Variants in SPAG16 observed in about 807,000 individuals in gnomAD.
SPAG16 encodes the protein sperm-associated antigen 16 protein.
Under a neutral mutation model 80.4 loss-of-function variants are expected in SPAG16, and 86 were observed. The observed-to-expected ratio is 1.07, with a 90% confidence interval of 0.90 to 1.28. The LOEUF (loss-of-function observed/expected upper bound fraction) is 1.28, where lower values mean the gene tolerates loss of function less well. Ranked by LOEUF, SPAG16 falls within the 50% of genes most tolerant of loss-of-function variation. The pLI is 0.00. For missense variants in SPAG16, 870 were observed against 765.3 expected (o/e 1.14, Z -1.61); for synonymous variants, 294 against 265.9 (o/e 1.11, Z -1.03).
intron 10 of SPAG16, among the ~76,000 whole-genome samples, chr2:213,688,302 T>G (rs768868816): frequency 7.2e-5 from 11 of 152,158 alleles, no homozygotes; most frequent in Non-Finnish European, 1.3e-4. Context: ...ATTCAGACCT[T>G]TAAAAGGTCC....
intron 12 of SPAG16, among the ~76,000 whole-genome samples, chr2:213,974,122 T>A (rs139429571): frequency 6.6e-6 from 1 of 152,244 alleles, no homozygotes; most frequent in East Asian, 1.9e-4. Context: ...AATCCTGTTT[T>A]ATGAGTATGT....
At chr2:213,666,447 C>A (rs1354843795) in intron 10 of SPAG16, among the ~76,000 whole-genome samples, 1 of 152,114 alleles carries the variant, frequency 6.6e-6, no homozygotes, top group Non-Finnish European at 1.5e-5. Flanking sequence ...TTAGTTATCC[C>A]ACCTATATGC....
intron 5 of SPAG16, among the ~76,000 whole-genome samples, chr2:213,330,146 G>T (rs532944219): frequency 6.6e-6 from 1 of 152,218 alleles, no homozygotes; most frequent in Non-Finnish European, 1.5e-5. Flanking sequence ...GGAAATATGG[G>T]GTGGGAGCCC....
chr2:214,316,514 TG>T (rs1163634462), intron 15 of SPAG16, among the ~76,000 whole-genome samples: 3 of 152,208 alleles, frequency 2.0e-5, no homozygotes, highest in African/African-American at 7.2e-5. Context: ...GCACCTTATT[TG>T]GGGCTCTTTT....
intron 14 of SPAG16, among the ~76,000 whole-genome samples, chr2:214,114,447 A>T (rs1293840558): frequency 6.6e-6 from 1 of 152,198 alleles, no homozygotes; most frequent in Non-Finnish European, 1.5e-5. Flanking sequence ...GGTTGAGTCT[A>T]TAGAGGCAGT....
chr2:214,388,530 G>A (rs1260912696), intron 15 of SPAG16, among the ~76,000 whole-genome samples: 1 of 152,182 alleles, frequency 6.6e-6, no homozygotes, highest in Non-Finnish European at 1.5e-5. Context: ...GAATAATGCA[G>A]AACCAAATTA....
intron 10 of SPAG16, among the ~76,000 whole-genome samples, chr2:213,836,297 A>G (rs1379502306): frequency 6.6e-6 from 1 of 152,054 alleles, no homozygotes; most frequent in African/African-American, 2.4e-5. Context: ...GTTAAACTAA[A>G]AGGAAAAGTA....
chr2:213,923,322 C>T (rs1004438235), intron 11 of SPAG16, among the ~76,000 whole-genome samples: 4 of 152,190 alleles, frequency 2.6e-5, no homozygotes, highest in African/African-American at 4.8e-5. Context: ...ACCTGGCTGC[C>T]AGTGGCAGTG....
At chr2:214,208,961 C>A (rs17816758) in intron 15 of SPAG16, among the ~76,000 whole-genome samples, 1 of 152,008 alleles carries the variant, frequency 6.6e-6, no homozygotes, top group Non-Finnish European at 1.5e-5. Context: ...TTTATGGTTA[C>A]GGGATGAAGT....
At chr2:213,893,152 A>G (rs1353876934) in intron 11 of SPAG16, among the ~76,000 whole-genome samples, 2 of 152,198 alleles carry the variant, frequency 1.3e-5, no homozygotes, top group African/African-American at 2.4e-5. Flanking sequence ...GAGTAGAATG[A>G]CATTTCTACT....
chr2:213,572,900 CG>C (rs2059970392), intron 10 of SPAG16, among the ~76,000 whole-genome samples: 1 of 152,142 alleles, frequency 6.6e-6, no homozygotes, highest in African/African-American at 2.4e-5. Context: ...ACTCCGTGGG[CG>C]TAGGACCCTC....
chr2:214,147,816 G>T (rs2055736742), intron 14 of SPAG16, among the ~76,000 whole-genome samples: 1 of 152,038 alleles, frequency 6.6e-6, no homozygotes, highest in Non-Finnish European at 1.5e-5. Flanking sequence ...AAAACTAATT[G>T]CATTCATTGC....
At chr2:214,209,851 C>T (rs1476170506) in intron 15 of SPAG16, among the ~76,000 whole-genome samples, 1 of 152,198 alleles carries the variant, frequency 6.6e-6, no homozygotes, top group East Asian at 1.9e-4. Context: ...GCCCCATACT[C>T]AAGTATATTT....
chr2:214,400,499 G>A (rs115979207), intron 15 of SPAG16, among the ~76,000 whole-genome samples: 2,300 of 152,012 alleles, frequency 0.015, 26 homozygotes, highest in Middle Eastern at 0.034. Context: ...AGGAGGATAC[G>A]CATAGGTTAT....
At chr2:213,768,826 C>G (rs967568265) in intron 10 of SPAG16, among the ~76,000 whole-genome samples, 2 of 152,068 alleles carry the variant, frequency 1.3e-5, no homozygotes, top group African/African-American at 4.8e-5. Flanking sequence ...CCATGCTGGA[C>G]AAGTATGTAT....
At chr2:214,068,959 C>T (rs1397560635) in intron 13 of SPAG16, among the ~76,000 whole-genome samples, 4 of 152,122 alleles carry the variant, frequency 2.6e-5, no homozygotes, top group Non-Finnish European at 5.9e-5. Flanking sequence ...CTCAGAAATT[C>T]GTTGCATTAT....
intron 1 of SPAG16, among the ~76,000 whole-genome samples, chr2:213,287,731 G>T (rs1007266516): frequency 6.6e-6 from 1 of 152,192 alleles, no homozygotes; most frequent in Middle Eastern, 3.4e-3. Flanking sequence ...AAGCTAATCA[G>T]CTCTGAATGG....
chr2:214,211,279 A>C (rs2058286462), intron 15 of SPAG16, among the ~76,000 whole-genome samples: 1 of 152,226 alleles, frequency 6.6e-6, no homozygotes, highest in Non-Finnish European at 1.5e-5. Flanking sequence ...TAACTTGCTG[A>C]ATCAAAATGT....
chr2:214,382,491 C>A (rs1462518218), intron 15 of SPAG16, among the ~76,000 whole-genome samples: 4 of 152,204 alleles, frequency 2.6e-5, no homozygotes, highest in Non-Finnish European at 5.9e-5. Flanking sequence ...GTGCCATGTG[C>A]AGCAGATCTT....
Sources: allele counts gnomAD v4.1 joint callset (sites outside exome capture counted in the v4.1 genomes callset), GRCh38; gene constraint gnomAD v4.1.1; transcripts MANE v1.5; gene names NCBI Gene and HGNC (gene_info 2026-07-23, HGNC 2026-07-21).